The following THEMIS variants were observed in gnomAD, a reference collection of about 807,000 sequenced individuals.
THEMIS encodes thymocyte selection associated.
A neutral mutation model predicts 52.6 loss-of-function variants in THEMIS; 37 were observed. The observed-to-expected ratio is 0.70, with a 90% CI of 0.54 to 0.93. THEMIS has a LOEUF of 0.93. THEMIS is among the 40% of genes least tolerant of loss of function. The pLI is 0.00. For missense variants in THEMIS, 808 were observed against 763.1 expected (o/e 1.06, Z -0.69); for synonymous variants, 292 against 272.7 (o/e 1.07, Z -0.70).
At chr6:127,901,594 G>C (rs149575409), upstream of THEMIS, among the ~76,000 whole-genome samples, 2 of 152,006 alleles carry the variant, frequency 1.3e-5, no homozygotes, top group Non-Finnish European at 2.9e-5. Context: ...GGTAGGGATA[G>C]AATATGCAAA....
the THEMIS span, among the ~76,000 whole-genome samples, chr6:127,697,002 C>T: frequency 1.3e-5 from 2 of 151,962 alleles, no homozygotes; most frequent in African/African-American, 2.4e-5. Context: ...ATAACACATG[C>T]GCCCACACAC....
At position 127,870,950 on chromosome 6, in the gene THEMIS, T is replaced by A. The variant is rs117103345; in HGVS notation, c.92-15762A>T. Among the ~76,000 whole-genome samples, 157 of 152,264 alleles carry A rather than the reference T, an allele frequency of 1.0e-3. 2 individuals are homozygous for A. In the East Asian group the frequency reaches 0.027, roughly 26 times the overall value. ...ATAGAAGAACTAGACAGATTACCTG[T>A]AAGGATATAGAAGAACTCCACAACA... On this transcript the variant is annotated intron_variant, in intron 1 of 5. Coordinates refer to ENST00000368248, the MANE Select transcript of THEMIS (RefSeq NM_001010923.3).
At chr6:127,910,150 T>C (rs2114527961) in intron 1 of THEMIS, 1 of 152,298 alleles carries the variant, frequency 6.6e-6, no homozygotes, top group East Asian at 1.9e-4. Flanking sequence ...TGCATCTAAT[T>C]TCCTTTTTAA....
At chr6:127,905,288 T>A (rs1477260742), upstream of THEMIS, among the ~76,000 whole-genome samples, 1 of 151,966 alleles carries the variant, frequency 6.6e-6, no homozygotes, top group Non-Finnish European at 1.5e-5. Flanking sequence ...GGATCACCAA[T>A]AAGATGATAG....
At chr6:127,750,734 A>G (rs1398477740) in intron 4 of THEMIS, among the ~76,000 whole-genome samples, 1 of 151,836 alleles carries the variant, frequency 6.6e-6, no homozygotes, top group Non-Finnish European at 1.5e-5. Context: ...TGCTTAAACA[A>G]GAGAAAATCC....
chr6:127,826,352 A>T (rs1462681181), intron 3 of THEMIS, among the ~76,000 whole-genome samples: 1 of 152,192 alleles, frequency 6.6e-6, no homozygotes, highest in Non-Finnish European at 1.5e-5. Context: ...TATTCTAAAG[A>T]CCAAAGTGTT....
chr6:127,754,800 A>G (rs1217422393), intron 4 of THEMIS, among the ~76,000 whole-genome samples: 2 of 152,080 alleles, frequency 1.3e-5, no homozygotes, highest in Non-Finnish European at 1.5e-5. Context: ...ACAGCAGTGG[A>G]GACAATAAAA....
intron 4 of THEMIS, among the ~76,000 whole-genome samples, chr6:127,770,467 G>A (rs1244558393): frequency 6.6e-6 from 1 of 152,088 alleles, no homozygotes; most frequent in Non-Finnish European, 1.5e-5. Flanking sequence ...TTTTGATGGG[G>A]TTGTTTGATT....
intron 1 of THEMIS, among the ~76,000 whole-genome samples, chr6:127,869,765 T>C (rs1339277149): frequency 1.3e-5 from 2 of 152,278 alleles, no homozygotes; most frequent in East Asian, 1.9e-4. Context: ...AAGCCTGTTC[T>C]CTTTAGCCAA....
At chr6:127,696,857 A>G in the THEMIS span, among the ~76,000 whole-genome samples, 3 of 152,054 alleles carry the variant, frequency 2.0e-5, no homozygotes, top group Non-Finnish European at 4.4e-5. Context: ...AAAGGCACCA[A>G]TCTACTGGAT....
chr6:127,765,023 A>G (rs956131441), intron 4 of THEMIS, among the ~76,000 whole-genome samples: 2 of 152,052 alleles, frequency 1.3e-5, no homozygotes, highest in East Asian at 1.9e-4. Flanking sequence ...AGACCCTTAC[A>G]TTCTCCAGGG....
chr6:127,819,373 G>A (rs1416562927), intron 3 of THEMIS, among the ~76,000 whole-genome samples: 1 of 151,984 alleles, frequency 6.6e-6, no homozygotes, highest in Non-Finnish European at 1.5e-5. Context: ...ATACCAGAAG[G>A]AGAATACAGT....
chr6:127,896,048 T>TA, intron 1 of THEMIS, among the ~76,000 whole-genome samples: 1 of 151,270 alleles, frequency 6.6e-6, no homozygotes, highest in African/African-American at 2.4e-5. Flanking sequence ...CACTTTTTAA[T>TA]GTAAAAAAAA....
downstream of THEMIS, among the ~76,000 whole-genome samples, chr6:127,706,790 G>A (rs541350358): frequency 2.0e-5 from 3 of 152,224 alleles, no homozygotes; most frequent in East Asian, 5.8e-4. Context: ...GGAAGTAAGG[G>A]AGTGACCTGT....
intron 4 of THEMIS, among the ~76,000 whole-genome samples, chr6:127,784,563 A>G (rs1776858114): frequency 6.6e-6 from 1 of 152,116 alleles, no homozygotes; most frequent in Non-Finnish European, 1.5e-5. Context: ...TCAGGGATTC[A>G]TACACGACAC....
intron 2 of THEMIS, among the ~76,000 whole-genome samples, chr6:127,846,887 A>T (rs1244870069): frequency 1.3e-5 from 2 of 151,978 alleles, no homozygotes; most frequent in Non-Finnish European, 2.9e-5. Context: ...AAAAATCCTC[A>T]ACTAAATATT....
intron 4 of THEMIS, among the ~76,000 whole-genome samples, chr6:127,753,354 A>G (rs1325672757): frequency 6.6e-6 from 1 of 152,062 alleles, no homozygotes; most frequent in Admixed American, 6.6e-5. Flanking sequence ...TCTCATTTCT[A>G]TACACTAGCA....
intron 2 of THEMIS, among the ~76,000 whole-genome samples, chr6:127,840,201 T>C (rs768116530): frequency 2.7e-4 from 41 of 152,110 alleles, no homozygotes; most frequent in Non-Finnish European, 5.9e-4. Flanking sequence ...AAGATTATTA[T>C]AATAATCAGA....
At chr6:127,763,772 C>T (rs1489381747) in intron 4 of THEMIS, among the ~76,000 whole-genome samples, 1 of 151,724 alleles carries the variant, frequency 6.6e-6, no homozygotes, top group African/African-American at 2.4e-5. Flanking sequence ...TAAGTTTTGT[C>T]TAATAATTTT....
Sources: gnomAD v4.1 joint callset for allele counts (sites outside exome capture counted in the v4.1 genomes callset) on GRCh38, gnomAD v4.1.1 for gene constraint, MANE v1.5 for transcripts, NCBI Gene and HGNC (gene_info 2026-07-23, HGNC 2026-07-21) for gene names.